The following ADARB2 variants were observed in gnomAD, a reference collection of about 807,000 sequenced individuals.
The protein encoded by ADARB2 is adenosine deaminase RNA specific B2 (inactive).
A neutral mutation model predicts 62.2 loss-of-function variants in ADARB2; 25 were observed. The observed-to-expected ratio is 0.40, with a 90% CI of 0.29 to 0.56. ADARB2 has a LOEUF of 0.56. Among genes scored for constraint, ADARB2 ranks in the 20% least tolerant of loss-of-function variants. The pLI is 0.43. For missense variants in ADARB2, 1,071 were observed against 1,077.4 expected, an observed-to-expected ratio of 0.99 and a Z score of 0.08; for synonymous variants, 572 against 500.8, an observed-to-expected ratio of 1.14 and a Z score of -1.90.
At chr10:1,621,449 T>A (rs1833703119) in intron 1 of ADARB2, among the ~76,000 whole-genome samples, 1 of 151,280 alleles carries the variant, frequency 6.6e-6, no homozygotes, top group South Asian at 2.1e-4. Context: ...AGGGTCTCAC[T>A]CTGCCACTTG....
intron 3 of ADARB2, chr10:1,361,035 C>T (rs1481445774): frequency 6.6e-6 from 1 of 152,208 alleles, no homozygotes; most frequent in Non-Finnish European, 1.5e-5. Context: ...GTGGCAGGCT[C>T]AGCTGGGTGA....
At chr10:1,407,701 G>A (rs1225978124) in intron 1 of ADARB2, among the ~76,000 whole-genome samples, 1 of 152,236 alleles carries the variant, frequency 6.6e-6, no homozygotes, top group Non-Finnish European at 1.5e-5. Context: ...TCAGATGAGT[G>A]ACGGTGTTCT....
At position 1,607,041 on chromosome 10, in the gene ADARB2, A is replaced by G. The variant is rs533171437; in HGVS notation, c.100+130010T>C. ...CAACAACAAAAACAAAGCAAAAAAT[A>G]TAATGTCTAATCTGGACAGGTAACA... On this transcript the variant is annotated intron_variant, in intron 1 of 9. Transcript: ENST00000381312. 6.6e-5 allele frequency among the ~76,000 whole-genome samples: 10 copies of G among 152,390 alleles called. No homozygotes were observed. The East Asian group carries it at 1.7e-3, about 26-fold the overall frequency.
At chr10:1,635,520 G>C (rs1190498052) in intron 1 of ADARB2, among the ~76,000 whole-genome samples, 1 of 152,172 alleles carries the variant, frequency 6.6e-6, no homozygotes, top group Non-Finnish European at 1.5e-5. Context: ...GCTCTGCCTA[G>C]TGTTGCGTTG....
chr10:1,188,220 C>T (rs1004292699), intron 8 of ADARB2: 1 of 152,270 alleles, frequency 6.6e-6, no homozygotes, highest in Admixed American at 6.5e-5. Context: ...CAAATAAGAG[C>T]ACTTTTGGAG....
chr10:1,394,012 G>A (rs117260433), intron 1 of ADARB2, among the ~76,000 whole-genome samples: 1 of 152,278 alleles, frequency 6.6e-6, no homozygotes, highest in East Asian at 1.9e-4. Context: ...TTTCAGGGTG[G>A]TGTCCTCCGT....
intron 1 of ADARB2, among the ~76,000 whole-genome samples, chr10:1,456,654 CGCGCGGG>C (rs1222658292): frequency 5.3e-5 from 8 of 152,286 alleles, no homozygotes; most frequent in African/African-American, 1.9e-4. Context: ...GTGCTCGAGA[CGCGCGGG>C]GCGTGGTAAA....
At chr10:1,241,117 G>C (rs1479815771) in intron 5 of ADARB2, among the ~76,000 whole-genome samples, 1 of 152,180 alleles carries the variant, frequency 6.6e-6, no homozygotes, top group Non-Finnish European at 1.5e-5. Context: ...AAATTAGCCA[G>C]GCGTGGTGGT....
chr10:1,474,185 T>C (rs1831367345), intron 1 of ADARB2, among the ~76,000 whole-genome samples: 1 of 152,190 alleles, frequency 6.6e-6, no homozygotes, highest in South Asian at 2.1e-4. Flanking sequence ...GTCACATCTG[T>C]AAATTAAAAG....
intron 3 of ADARB2, among the ~76,000 whole-genome samples, chr10:1,294,697 T>C (rs1831508823): frequency 6.6e-6 from 1 of 152,110 alleles, no homozygotes; most frequent in South Asian, 2.1e-4. Context: ...TTTGCTGAGC[T>C]CATTATTACA....
intron 1 of ADARB2, among the ~76,000 whole-genome samples, chr10:1,481,962 G>A (rs1327518638): frequency 2.0e-5 from 3 of 151,904 alleles, no homozygotes; most frequent in East Asian, 1.9e-4. Flanking sequence ...TCCAGAGAAA[G>A]TGTACACATG....
rs538291666 is a variant in ADARB2 at position 1,543,841 on chromosome 10, C to T, written c.101-164681G>A. On this transcript the variant is annotated intron_variant, in intron 1 of 9. Transcript: ENST00000381312. ...AAAGACTCATTAAGTTTACAGCCCGCCCGTGACGTGAGGCAGCTCTGGCCA... is the reference window on the plus strand; with the variant it reads ...AAAGACTCATTAAGTTTACAGCCCGTCCGTGACGTGAGGCAGCTCTGGCCA... Among the ~76,000 whole-genome samples the T allele has an allele frequency of 5.8e-4, 88 of 152,236 alleles. 2 individuals are homozygous for T. In the South Asian group the frequency reaches 0.017, roughly 29 times the overall value.
At chr10:1,529,652 G>A (rs953169919) in intron 1 of ADARB2, among the ~76,000 whole-genome samples, 2 of 152,224 alleles carry the variant, frequency 1.3e-5, no homozygotes, top group African/African-American at 4.8e-5. Context: ...AATAGCCCTT[G>A]TTGGAGCCCC....
At chr10:1,432,785 G>A (rs937298493) in intron 1 of ADARB2, among the ~76,000 whole-genome samples, 16 of 151,930 alleles carry the variant, frequency 1.1e-4, no homozygotes, top group African/African-American at 3.9e-4. Flanking sequence ...CTTTTGCTTT[G>A]CATTGTTATT....
chr10:1,581,852 G>A lies in ADARB2; in HGVS notation c.100+155199C>T, dbSNP rs1274660079. On this transcript the variant is annotated intron_variant, in intron 1 of 9. Transcript: ENST00000381312. ...TGTGTGTGTGTGTGTGTGTGTGTGT[G>A]TGTGTGTGTGTGTGTGTGCAGAGAG... Among the ~76,000 whole-genome samples the A allele has an allele frequency of 4.0e-5, 6 of 151,814 alleles. No individual in the cohort carries two copies. In the East Asian group the frequency reaches 1.2e-3, roughly 29 times the overall value.
intron 1 of ADARB2, among the ~76,000 whole-genome samples, chr10:1,396,160 C>T (rs1832611258): frequency 6.6e-6 from 1 of 152,180 alleles, no homozygotes; most frequent in Non-Finnish European, 1.5e-5. Flanking sequence ...AAGTCTAAAT[C>T]TAATTATTTC....
chr10:1,304,202 A>C (rs1414611720), intron 3 of ADARB2, among the ~76,000 whole-genome samples: 1 of 152,148 alleles, frequency 6.6e-6, no homozygotes, highest in South Asian at 2.1e-4. Flanking sequence ...AATGGAAAAC[A>C]AAAAAAGGCA....
chr10:1,261,523 T>C (rs1831136610), intron 4 of ADARB2, among the ~76,000 whole-genome samples: 1 of 150,346 alleles, frequency 6.7e-6, no homozygotes, highest in Non-Finnish European at 1.5e-5. Context: ...AGAAGACATT[T>C]ATGCAGCCAA....
intron 1 of ADARB2, among the ~76,000 whole-genome samples, chr10:1,664,703 T>G (rs1834292903): frequency 6.6e-6 from 1 of 152,082 alleles, no homozygotes; most frequent in Admixed American, 6.5e-5. Flanking sequence ...ACTGGGGAGA[T>G]GAAGTAACTT....
Sources: gnomAD v4.1 joint callset for allele counts (sites outside exome capture counted in the v4.1 genomes callset) on GRCh38, gnomAD v4.1.1 for gene constraint, MANE v1.5 for transcripts, NCBI Gene and HGNC (gene_info 2026-07-23, HGNC 2026-07-21) for gene names.